TG: variants seen among roughly 807,000 people sequenced by gnomAD.
The protein encoded by TG is thyroglobulin.
Under a neutral mutation model 324.7 loss-of-function variants are expected in TG, and 270 were observed. That is an observed-to-expected ratio of 0.83 (90% CI 0.75 to 0.92). The LOEUF (loss-of-function observed/expected upper bound fraction) is 0.92. Among genes scored for constraint, TG ranks in the 40% least tolerant of loss-of-function variants. The probability of loss-of-function intolerance (pLI) is 0.00; values close to 1 mark genes in which losing one functional copy is unlikely to be tolerated. For missense variants in TG, 3,591 were observed against 3,456.4 expected, an observed-to-expected ratio of 1.04 and a Z score of -0.98; for synonymous variants, 1,401 against 1,327.0, an observed-to-expected ratio of 1.06 and a Z score of -1.21.
At position 133,116,605 on chromosome 8, in the gene TG, C is replaced by T. The variant is rs1588131693; in HGVS notation, c.7755-4C>T. ...AGACTCCCCCCATGTTCTCTTTTCA[C>T]CAGGGACTACTTTATCATCTGCCCT... is the stretch of plus-strand genomic sequence containing the variant. On this transcript the variant is annotated splice_polypyrimidine_tract_variant and splice_region_variant and intron_variant, in intron 44 of 47. Coordinates refer to ENST00000220616, the MANE Select transcript of TG (RefSeq NM_003235.5). 1.2e-6 allele frequency: 2 copies of T among 1,613,066 alleles called. No homozygotes were observed. Among genetic ancestry groups the T allele is most frequent in the African/African-American group, 1.3e-5 (1 of 75,064 alleles).
chr8:132,923,398 G>A lies in TG; in HGVS notation c.4589G>A (p.Arg1530Gln), dbSNP rs139187590. 126 of 1,614,068 alleles carry A rather than the reference G, an allele frequency of 7.8e-5. No individual in the cohort carries two copies. In the African/African-American group the frequency reaches 1.3e-3, roughly 16 times the overall value. The part of the protein sequence containing the change: ...GLQCDQNGQY[R>Q]ASQKDRGSGK... ...CAATGTGACCAGAATGGCCAGTATCGAGCCAGCCAGAAGGACAGGGGCAGT... is the reference window on the plus strand; with the variant it reads ...CAATGTGACCAGAATGGCCAGTATCAAGCCAGCCAGAAGGACAGGGGCAGT... Residue 1530 changes from arginine to glutamine, a missense_variant, in exon 22 of 48, where the codon CGA becomes CAA. Transcript: ENST00000220616.
chr8:133,119,295 T>C (rs916739366), intron 45 of TG, among the ~76,000 whole-genome samples: 1 of 152,192 alleles, frequency 6.6e-6, no homozygotes, highest in Admixed American at 6.5e-5. Flanking sequence ...CACAAAAAAA[T>C]GTCCAGAATC....
At chr8:133,087,342 A>T (rs562921549) in intron 41 of TG, among the ~76,000 whole-genome samples, 2 of 152,148 alleles carry the variant, frequency 1.3e-5, no homozygotes, top group Non-Finnish European at 2.9e-5. Flanking sequence ...CTTTTTCTAG[A>T]GTATGAAAAG....
chr8:133,096,833 G>A (rs949487643), intron 43 of TG, among the ~76,000 whole-genome samples: 10 of 152,338 alleles, frequency 6.6e-5, no homozygotes, highest in East Asian at 1.9e-4. Context: ...AAGAGAGCAC[G>A]CACAATGCAC....
chr8:132,877,213 C>A lies in TG; in HGVS notation c.638+3992C>A, dbSNP rs574705082. Reference sequence around the variant, plus strand: ...GGATTGTAGTGATGGGATCTCAGCTCACTGCAACCTCTGCCTCCCAAGCTG... The same window carrying A: ...GGATTGTAGTGATGGGATCTCAGCTAACTGCAACCTCTGCCTCCCAAGCTG... On this transcript the variant is annotated intron_variant, in intron 5 of 47. Transcript: ENST00000220616. Among the ~76,000 whole-genome samples, 7 of 152,266 alleles carry A rather than the reference C, an allele frequency of 4.6e-5. No individual in the cohort carries two copies. The South Asian group carries it at 1.5e-3, about 32-fold the overall frequency.
intron 25 of TG, among the ~76,000 whole-genome samples, chr8:132,940,460 C>T (rs755361584): frequency 1.1e-4 from 17 of 152,154 alleles, no homozygotes; most frequent in African/African-American, 4.8e-5. Flanking sequence ...AAACCCAAAC[C>T]GTGCCACTTT....
At chr8:133,021,043 AC>A (rs1418351578) in intron 39 of TG, among the ~76,000 whole-genome samples, 1 of 152,188 alleles carries the variant, frequency 6.6e-6, no homozygotes, top group African/African-American at 2.4e-5. Flanking sequence ...CAGCTCAGAC[AC>A]ACGATTCTAA....
chr8:132,967,227 CATCCATCCATCCATCCATCCATCT>C (rs1242768846), intron 30 of TG, among the ~76,000 whole-genome samples: 82 of 79,670 alleles, frequency 1.0e-3, no homozygotes, highest in African/African-American at 8.1e-3. Context: ...TCCATCCATC[CATCCATCCATCCATCCATCCATCT>C]ATCCATCCAT....
intron 35 of TG, among the ~76,000 whole-genome samples, chr8:133,010,033 G>C (rs1247528040): frequency 6.6e-6 from 1 of 152,172 alleles, no homozygotes; most frequent in Non-Finnish European, 1.5e-5. Flanking sequence ...AAACTTCCCT[G>C]TATAGCTAAG....
chr8:133,121,336 G>A (rs1851125601), intron 45 of TG, among the ~76,000 whole-genome samples: 1 of 152,108 alleles, frequency 6.6e-6, no homozygotes, highest in African/African-American at 2.4e-5. Context: ...CTTTGAGGAG[G>A]GGGCAGGTCT....
Position 132,955,507 on chromosome 8 carries a change from T to A in TG, c.5402-5501T>A, listed in dbSNP as rs905422237. 7.9e-5 allele frequency among the ~76,000 whole-genome samples: 12 copies of A among 152,348 alleles called. No homozygotes were observed. The East Asian group carries it at 2.1e-3, about 27-fold the overall frequency. ...GCTCTAGGGCTATTGGGCTCAGGAA[T>A]CTGTCACAATCTCTTCCTGCCAGCA... On this transcript the variant is annotated intron_variant, in intron 27 of 47. Transcript: ENST00000220616.
chr8:133,075,952 G>A (rs1349809591), intron 41 of TG: 3 of 152,148 alleles, frequency 2.0e-5, no homozygotes, highest in Admixed American at 6.5e-5. Context: ...ATTATAAAAT[G>A]TATGTTGTAT....
At chr8:132,933,286 A>C (rs1202102687) in intron 23 of TG, among the ~76,000 whole-genome samples, 1 of 762 alleles carries the variant, frequency 1.3e-3, no homozygotes. Context: ...ATTTGGAGGT[A>C]TGTGTTTATT....
In TG at chr8:132,882,899, T is replaced by G; in HGVS notation, c.975T>G (p.Tyr325Ter). 6.2e-7 allele frequency: 1 copy of G among 1,614,210 alleles called. No individual in the cohort carries two copies. Among genetic ancestry groups the G allele is most frequent in the Non-Finnish European group, 8.5e-7 (1 of 1,180,028 alleles). ...CAAGCTGCCGCCGAAATGGCGACTA[T>G]CAGGCGGTGCAGTGCCAGACGGAAG... ...YVPSCRRNGDYQAVQCQTEGP... is the reference protein window; with the variant it reads ...YVPSCRRNGD Residue 325 changes from tyrosine to a stop codon, truncating the protein, a stop_gained, in exon 8 of 48, where the codon TAT (tyrosine) becomes TAG (stop). Coordinates refer to ENST00000220616, the MANE Select transcript of TG (RefSeq NM_003235.5). LOFTEE classifies it high-confidence loss of function.
At position 132,941,344 on chromosome 8, in the gene TG, C is replaced by T. The variant is rs767111773; in HGVS notation, c.5042-7C>T. The T allele has an allele frequency of 9.9e-6, 16 of 1,614,056 alleles. No homozygotes were observed. In the Admixed American group the frequency reaches 2.0e-4, roughly 20 times the overall value. Reference sequence around the variant, plus strand: ...TCTTTTAAAATTTTGTTCTGCCTTTCCCCCAGGCCAAGGATCCACCACAAC... The same window carrying T: ...TCTTTTAAAATTTTGTTCTGCCTTTTCCCCAGGCCAAGGATCCACCACAAC... On this transcript the variant is annotated splice_region_variant and splice_polypyrimidine_tract_variant and intron_variant, in intron 25 of 47. Transcript: ENST00000220616.
rs1167723750 is a variant in TG at position 132,941,418 on chromosome 8, A to G, written c.5109A>G (p.Gly1703=). 2 of 1,614,092 alleles carry G rather than the reference A, an allele frequency of 1.2e-6. No homozygotes were observed. The highest frequency in any genetic ancestry group is 1.7e-5 in the Admixed American group (1 of 59,996). ...EPTGFQNMLS[G]LYNPIVFSAS... Reference sequence around the variant, plus strand: ...CTGGTTTCCAAAACATGCTTTCTGGATTGTACAACCCCATTGTGTTCTCAG... The same window carrying G: ...CTGGTTTCCAAAACATGCTTTCTGGGTTGTACAACCCCATTGTGTTCTCAG... The change falls in exon 26 of 48, where the codon GGA becomes GGG. Residue 1703 remains glycine (G), a synonymous_variant. Transcript: ENST00000220616.
chr8:132,996,220 T>A (rs1319156064), intron 35 of TG, among the ~76,000 whole-genome samples: 1 of 152,212 alleles, frequency 6.6e-6, no homozygotes, highest in Non-Finnish European at 1.5e-5. Flanking sequence ...AATGAAAGTG[T>A]TTTATAAACT....
At position 132,887,393 on chromosome 8, in the gene TG, G is replaced by C. The variant is rs757510967; in HGVS notation, c.2021G>C (p.Gly674Ala). ...KQRARMQSLM[G>A]SQPAGSTLFV... ...AGGGCTCGCATGCAAAGCCTCATGG[G>C]CAGCCAGCCTGCTGGCTCCACCTTG... The change falls in exon 9 of 48, where the codon GGC becomes GCC. Residue 674 changes from glycine (G) to alanine (A), a missense_variant. Coordinates refer to ENST00000220616, the MANE Select transcript of TG (RefSeq NM_003235.5). The C allele has an allele frequency of 2.5e-6, 4 of 1,614,174 alleles. No individual in the cohort carries two copies. The African/African-American group carries it at 5.3e-5, about 22-fold the overall frequency.
In TG at chr8:132,893,908, A is replaced by G. The variant is rs111363334; in HGVS notation, c.2980A>G (p.Ile994Val). 428 of 1,613,972 alleles carry G rather than the reference A, an allele frequency of 2.7e-4. 2 individuals carry two copies. The African/African-American group carries it at 5.0e-3, about 19-fold the overall frequency. The stretch of plus-strand genomic sequence containing the variant: ...GTTTCTGCGTGGGAGTGATTACGCC[A>G]TTCGCCTGGCGGCTCAGTCTAGTGA... ...EQFLRGSDYA[I>V]RLAAQSTLSF... Residue 994 changes from isoleucine (I) to valine (V), a missense_variant, in exon 11 of 48, where the codon ATT becomes GTT. Coordinates refer to ENST00000220616, the MANE Select transcript of TG (RefSeq NM_003235.5).
Sources: allele counts gnomAD v4.1 joint callset (sites outside exome capture counted in the v4.1 genomes callset), GRCh38; gene constraint gnomAD v4.1.1; transcripts MANE v1.5; gene names NCBI Gene and HGNC (gene_info 2026-07-23, HGNC 2026-07-21).